CASP9: variants seen among roughly 807,000 people sequenced by gnomAD.
CASP9 encodes the protein caspase 9.
Under a neutral mutation model 43.5 loss-of-function variants are expected in CASP9, and 29 were observed. The ratio of observed to expected loss-of-function variants is 0.67; its 90% confidence interval spans 0.50 to 0.91. The LOEUF (loss-of-function observed/expected upper bound fraction) is 0.91, where lower values mean the gene tolerates loss of function less well. Among genes scored for constraint, CASP9 ranks in the 40% least tolerant of loss-of-function variants. The probability of loss-of-function intolerance (pLI) is 0.00; values close to 1 mark genes in which losing one functional copy is unlikely to be tolerated. For synonymous variants in CASP9, 206 were observed against 211.9 expected, an observed-to-expected ratio of 0.97 and a Z score of 0.24; for missense variants, 575 against 537.4, an observed-to-expected ratio of 1.07 and a Z score of -0.69.
intron 5 of CASP9, 35 bp from the exon 6 acceptor site, chr1:15,504,793 A>T: frequency 6.3e-7 from 1 of 1,594,334 alleles, no homozygotes; most frequent in Non-Finnish European, 8.5e-7. Flanking sequence ...CAAAACCAAG[A>T]AGTTGGAGTA....
chr1:15,524,479 CCG>C (rs1158500973), upstream of CASP9: 3 of 236,608 alleles, frequency 1.3e-5, no homozygotes, highest in African/African-American at 4.0e-4. Context: ...AGAACACGCT[CCG>C]CGTCACCGCC....
intron 6 of CASP9, among the ~76,000 whole-genome samples, chr1:15,500,457 T>C (rs1709281673): frequency 6.6e-6 from 1 of 152,146 alleles, no homozygotes. Flanking sequence ...CCAAAATCTA[T>C]TGACCTCTTA....
At chr1:15,524,582 C>CCTCACGTCCCCGCACTGAT, upstream of CASP9, 1 of 928,342 alleles carries the variant, frequency 1.1e-6, no homozygotes, top group Non-Finnish European at 1.3e-6. Flanking sequence ...CCCGCACTGA[C>CCTCACGTCCCCGCACTGAT]CTCACGTCAC....
chr1:15,512,406 G>C (rs1225665922), intron 2 of CASP9, among the ~76,000 whole-genome samples: 3 of 152,150 alleles, frequency 2.0e-5, no homozygotes, highest in Non-Finnish European at 2.9e-5. Context: ...ATCCGTCAAG[G>C]GCCTGAATAG....
Position 15,524,144 on chromosome 1 carries a change from C to A in CASP9, c.57G>T (p.Glu19Asp). The stretch of plus-strand genomic sequence containing the variant: ...CGTCCCAGAGCTGGTCCACCTGCAG[C>A]TCTTCCACCAGCCGCAGCCGGCACC... ...LRRCRLRLVE[E>D]LQVDQLWDAL... Residue 19 changes from glutamate (E) to aspartate (D), a missense_variant, in exon 1 of 9, where the codon GAG becomes GAT. Coordinates refer to ENST00000333868, the MANE Select transcript of CASP9 (RefSeq NM_001229.5). 1 of 1,540,896 alleles carries A rather than the reference C, an allele frequency of 6.5e-7. No homozygotes were observed.
At chr1:15,508,260 C>T (rs1317589820) in intron 2 of CASP9, among the ~76,000 whole-genome samples, 1 of 152,106 alleles carries the variant, frequency 6.6e-6, no homozygotes, top group African/African-American at 2.4e-5. Context: ...TACAGCCACA[C>T]AAGAGAACAT....
At chr1:15,524,615 C>G (rs1570886431), upstream of CASP9, 6 of 1,032,388 alleles carry the variant, frequency 5.8e-6, no homozygotes, top group East Asian at 2.3e-4. Context: ...GCGTTACCGT[C>G]CCGCCCGCAG....
intron 2 of CASP9, among the ~76,000 whole-genome samples, chr1:15,515,024 G>A (rs1423489371): frequency 1.3e-5 from 2 of 151,770 alleles, no homozygotes; most frequent in Non-Finnish European, 2.9e-5. Context: ...TAATAATAAA[G>A]TAAAAAAAAT....
At chr1:15,508,474 A>G (rs10754891) in intron 2 of CASP9, among the ~76,000 whole-genome samples, 97,557 of 151,546 alleles carry the variant, frequency 0.64, 32,875 homozygotes, top group African/African-American at 0.85. Context: ...GTGCAATGGC[A>G]CTATCTTGGC....
chr1:15,495,530 A>C (rs1374936433), intron 6 of CASP9, 78 bp from the exon 7 acceptor site: 3 of 1,227,190 alleles, frequency 2.4e-6, no homozygotes, highest in Non-Finnish European at 3.3e-6. Flanking sequence ...AAGTCGGTGC[A>C]ATATACTACA....
intron 1 of CASP9, among the ~76,000 whole-genome samples, chr1:15,522,571 C>G (rs1308064921): frequency 2.0e-5 from 3 of 152,056 alleles, no homozygotes; most frequent in African/African-American, 7.2e-5. Flanking sequence ...TTTAATTAGC[C>G]AGGCATGGTG....
In CASP9 at chr1:15,493,006, A is replaced by T. The variant is rs1487592809; in HGVS notation, c.1188T>A (p.Ile396=). Residue 396 remains isoleucine (I), a synonymous_variant, in exon 9 of 9, where the codon ATT becomes ATA. Coordinates refer to ENST00000333868, the MANE Select transcript of CASP9 (RefSeq NM_001229.5). Reference sequence around the variant, plus strand: ...TAAAGCAACCAGGCATCTGTTTATAAATCCCTTTCACCGAAACAGCATTAG... The same window carrying T: ...TAAAGCAACCAGGCATCTGTTTATATATCCCTTTCACCGAAACAGCATTAG... ...RVANAVSVKG[I]YKQMPGCFNF... The T allele has an allele frequency of 3.7e-6, 6 of 1,613,978 alleles. No homozygotes were observed.
At chr1:15,497,411 G>A (rs981219623) in intron 6 of CASP9, among the ~76,000 whole-genome samples, 14 of 151,980 alleles carry the variant, frequency 9.2e-5, no homozygotes, top group South Asian at 2.1e-4. Context: ...TTGGGAGACC[G>A]AGGCTGGTGG....
chr1:15,514,452 T>C (rs1709878758), intron 2 of CASP9, among the ~76,000 whole-genome samples: 1 of 152,154 alleles, frequency 6.6e-6, no homozygotes, highest in Non-Finnish European at 1.5e-5. Context: ...CTCTGGAGTC[T>C]AAGGCCCAGC....
intron 1 of CASP9, 40 bp downstream of exon 1, chr1:15,524,029 C>G: frequency 7.1e-7 from 1 of 1,412,468 alleles, no homozygotes; most frequent in Non-Finnish European, 9.4e-7. Context: ...GGCGTGGGGA[C>G]CCGGCCGTGC....
In CASP9 at chr1:15,492,719, A is replaced by G. The variant is rs1708936035; in HGVS notation, c.*224T>C. 1 of 604,842 alleles carries G rather than the reference A, an allele frequency of 1.7e-6. No homozygotes were observed. Among genetic ancestry groups the G allele is most frequent in the Non-Finnish European group, 2.9e-6 (1 of 349,266 alleles). 37.5% of individuals were successfully genotyped at this position (604,842 alleles called of 1,614,324 possible). On this transcript the variant is annotated 3_prime_UTR_variant, in exon 9 of 9. Coordinates refer to ENST00000333868, the MANE Select transcript of CASP9 (RefSeq NM_001229.5). Reference sequence around the variant, plus strand: ...TGGACCAGCCACTGCTCAAGAGGCCACGTGCAATCCACGGCATTCATCTGT... The same window carrying G: ...TGGACCAGCCACTGCTCAAGAGGCCGCGTGCAATCCACGGCATTCATCTGT...
rs752460250 is a variant in CASP9, at chr1:15,506,113, C to T, written c.631-34G>A. ...GAGGGCTGCAGGTGAGCCAGAAGCA[C>T]GGATAGGTCTAGATGCAGACTGGAC... On this transcript the variant is annotated intron_variant, in intron 4 of 8. Coordinates refer to ENST00000333868, the MANE Select transcript of CASP9 (RefSeq NM_001229.5). The T allele has an allele frequency of 1.2e-5, 17 of 1,436,108 alleles. No individual in the cohort carries two copies. In the East Asian group the frequency reaches 2.5e-4, roughly 21 times the overall value. The allele number at this position is 1,436,108 out of a possible 1,614,324, so 89.0% of individuals were successfully genotyped here. A position where few individuals can be genotyped will look rare whatever the true frequency, so the allele number is the denominator to read the frequency against.
intron 2 of CASP9, among the ~76,000 whole-genome samples, chr1:15,509,759 A>G (rs1337955180): frequency 1.3e-5 from 2 of 152,192 alleles, no homozygotes; most frequent in Non-Finnish European, 2.9e-5. Context: ...AGCTCAGGAG[A>G]GCGGATGCTC....
intron 1 of CASP9, among the ~76,000 whole-genome samples, chr1:15,520,490 A>G (rs1349948994): frequency 6.6e-6 from 1 of 152,272 alleles, no homozygotes; most frequent in Non-Finnish European, 1.5e-5. Flanking sequence ...AATATAACTT[A>G]GGAATAACCG....
Sources: gnomAD v4.1 joint callset for allele counts (sites outside exome capture counted in the v4.1 genomes callset) on GRCh38, gnomAD v4.1.1 for gene constraint, MANE v1.5 for transcripts, NCBI Gene and HGNC (gene_info 2026-07-23, HGNC 2026-07-21) for gene names.